The following TSHZ2 variants were observed in gnomAD, a reference collection of about 807,000 sequenced individuals.
TSHZ2 encodes the protein teashirt zinc finger homeobox 2.
In TSHZ2, 21 loss-of-function variants were observed where a neutral mutation model predicts 74.4. The observed-to-expected ratio is 0.28, with a 90% CI of 0.20 to 0.41. The LOEUF is 0.41. Among genes scored for constraint, TSHZ2 ranks in the 10% least tolerant of loss-of-function variants. TSHZ2 has a pLI of 1.00. For synonymous variants in TSHZ2, 540 were observed against 515.3 expected, an observed-to-expected ratio of 1.05 and a Z score of -0.65; for missense variants, 1,244 against 1,293.5, an observed-to-expected ratio of 0.96 and a Z score of 0.59.
chr20:53,265,276 G>A (rs995156799), intron 2 of TSHZ2, among the ~76,000 whole-genome samples: 1 of 152,166 alleles, frequency 6.6e-6, no homozygotes, highest in Non-Finnish European at 1.5e-5. Context: ...GACAGGGAAG[G>A]CACACTTAGG....
chr20:53,058,270 G>C (rs1233002284), intron 1 of TSHZ2, among the ~76,000 whole-genome samples: 1 of 152,146 alleles, frequency 6.6e-6, no homozygotes, highest in Non-Finnish European at 1.5e-5. Context: ...CCCAGAGTTG[G>C]GGACCTCTGT....
At chr20:52,983,682 T>A (rs920667996) in intron 1 of TSHZ2, among the ~76,000 whole-genome samples, 3 of 152,246 alleles carry the variant, frequency 2.0e-5, no homozygotes, top group African/African-American at 7.2e-5. Context: ...CGTCTGAATC[T>A]TGTATTTTGC....
chr20:53,258,944 G>A (rs969550921), intron 2 of TSHZ2, among the ~76,000 whole-genome samples: 1 of 152,154 alleles, frequency 6.6e-6, no homozygotes, highest in Admixed American at 6.5e-5. Context: ...TGCAGGTACT[G>A]GCTGTGTTTG....
At chr20:53,210,344 C>T (rs1286405022) in intron 1 of TSHZ2, among the ~76,000 whole-genome samples, 2 of 152,108 alleles carry the variant, frequency 1.3e-5, no homozygotes, top group Non-Finnish European at 1.5e-5. Flanking sequence ...AATCGGGCCA[C>T]ATGTGGGCTT....
At chr20:53,035,064 C>A (rs188305072) in intron 1 of TSHZ2, among the ~76,000 whole-genome samples, 10 of 152,218 alleles carry the variant, frequency 6.6e-5, no homozygotes, top group Middle Eastern at 6.8e-3. Context: ...GAGGCATGAA[C>A]GACTTAGGAC....
intron 2 of TSHZ2, chr20:53,455,467 CAA>C (rs1032459207): frequency 6.6e-6 from 1 of 152,086 alleles, no homozygotes; most frequent in Non-Finnish European, 1.5e-5. Flanking sequence ...AAAAAATACA[CAA>C]AGTTTTGCTA....
At chr20:53,454,199 C>T (rs535498525) in intron 2 of TSHZ2, among the ~76,000 whole-genome samples, 52 of 152,208 alleles carry the variant, frequency 3.4e-4, no homozygotes, top group African/African-American at 1.2e-3. Context: ...TTCTTTAGGC[C>T]ACAAAACTGC....
intron 1 of TSHZ2, among the ~76,000 whole-genome samples, chr20:53,081,677 T>A (rs1985539895): frequency 6.6e-6 from 1 of 152,182 alleles, no homozygotes; most frequent in Non-Finnish European, 1.5e-5. Flanking sequence ...TTATAAATTT[T>A]TTCACCATTT....
chr20:52,978,327 G>A (rs867018724), intron 1 of TSHZ2, among the ~76,000 whole-genome samples: 1 of 152,120 alleles, frequency 6.6e-6, no homozygotes, highest in African/African-American at 2.4e-5. Context: ...CAACCAAGAA[G>A]AAAACCTAGG....
intron 1 of TSHZ2, among the ~76,000 whole-genome samples, chr20:53,014,197 G>A: frequency 3.8e-5 from 1 of 26,510 alleles, no homozygotes; most frequent in South Asian, 1.9e-3. Context: ...TCATACGGCA[G>A]AGAGAGAGAG....
intron 1 of TSHZ2, among the ~76,000 whole-genome samples, chr20:53,249,276 G>A (rs1376855897): frequency 1.3e-5 from 2 of 152,194 alleles, no homozygotes; most frequent in African/African-American, 4.8e-5. Flanking sequence ...GCCAAAGTTT[G>A]CAGCTGGAAT....
chr20:53,083,566 C>T lies in TSHZ2; in HGVS notation c.40+110233C>T, dbSNP rs955291344. On this transcript the variant is annotated intron_variant, in intron 1 of 2. Transcript: ENST00000371497. Reference sequence around the variant, plus strand: ...CCTGATAAAAAGAACAAACAGTTTTCGAAGTCAGACAGACTGGTTCAAATC... The same window carrying T: ...CCTGATAAAAAGAACAAACAGTTTTTGAAGTCAGACAGACTGGTTCAAATC... Among the ~76,000 whole-genome samples the T allele has an allele frequency of 6.6e-5, 10 of 152,302 alleles. No individual in the cohort carries two copies. The South Asian group carries it at 1.0e-3, about 16-fold the overall frequency.
intron 1 of TSHZ2, among the ~76,000 whole-genome samples, chr20:53,048,787 T>G (rs566936331): frequency 4.6e-5 from 7 of 152,152 alleles, no homozygotes; most frequent in African/African-American, 1.7e-4. Flanking sequence ...ATTTTGTGAG[T>G]GGGGGGTTCT....
chr20:53,360,199 A>G (rs1205603716), intron 2 of TSHZ2, among the ~76,000 whole-genome samples: 1 of 152,256 alleles, frequency 6.6e-6, no homozygotes. Flanking sequence ...ATGTAGTATA[A>G]ATAAATCTAA....
At chr20:53,391,156 G>GT (rs752934627) in intron 2 of TSHZ2, among the ~76,000 whole-genome samples, 3,487 of 62,874 alleles carry the variant, frequency 0.055, 44 homozygotes, top group Non-Finnish European at 0.056. Flanking sequence ...TTTTGTTTTG[G>GT]TTTGGTTTGA....
At chr20:53,095,038 G>A (rs1480747239) in intron 1 of TSHZ2, among the ~76,000 whole-genome samples, 1 of 152,184 alleles carries the variant, frequency 6.6e-6, no homozygotes, top group Admixed American at 6.5e-5. Context: ...TCCAATTACA[G>A]CAGGCAGAAA....
At chr20:53,028,128 T>C (rs1409978935) in intron 1 of TSHZ2, among the ~76,000 whole-genome samples, 1 of 152,118 alleles carries the variant, frequency 6.6e-6, no homozygotes, top group East Asian at 1.9e-4. Context: ...GCTCAATTTG[T>C]TGGGAAATGG....
chr20:53,339,336 C>T (rs1017819404), intron 2 of TSHZ2, among the ~76,000 whole-genome samples: 6 of 152,152 alleles, frequency 3.9e-5, no homozygotes, highest in East Asian at 3.9e-4. Context: ...AAGGTGGCTG[C>T]GGAGGCCTGA....
At chr20:53,403,281 T>C (rs1204583348) in intron 2 of TSHZ2, among the ~76,000 whole-genome samples, 1 of 152,172 alleles carries the variant, frequency 6.6e-6, no homozygotes, top group Non-Finnish European at 1.5e-5. Flanking sequence ...AAATAAAAGC[T>C]GAAATTTAAA....
Sources: gnomAD v4.1 joint callset for allele counts (sites outside exome capture counted in the v4.1 genomes callset) on GRCh38, gnomAD v4.1.1 for gene constraint, MANE v1.5 for transcripts, NCBI Gene and HGNC (gene_info 2026-07-23, HGNC 2026-07-21) for gene names.